Variants in SFMBT1 observed in about 807,000 individuals in gnomAD.
SFMBT1 encodes Scm like with four mbt domains 1, also known as scm-like with four MBT domains protein 1.
Under a neutral mutation model 108.7 loss-of-function variants are expected in SFMBT1, and 32 were observed. That is an observed-to-expected ratio of 0.29 (90% CI 0.22 to 0.40). SFMBT1 has a LOEUF of 0.40. Among genes scored for constraint, SFMBT1 ranks in the 10% least tolerant of loss-of-function variants. SFMBT1 has a pLI of 1.00. For synonymous variants in SFMBT1, 348 were observed against 369.5 expected, an observed-to-expected ratio of 0.94 and a Z score of 0.67; for missense variants, 816 against 1,059.6, an observed-to-expected ratio of 0.77 and a Z score of 3.19.
chr3:52,995,869 C>T (rs1698309325), intron 1 of SFMBT1, among the ~76,000 whole-genome samples: 1 of 149,312 alleles, frequency 6.7e-6, no homozygotes, highest in Admixed American at 6.8e-5. Context: ...GTCAGGAGTT[C>T]GAGACCAGCC....
At chr3:53,031,071 G>A (rs552643321) in intron 1 of SFMBT1, among the ~76,000 whole-genome samples, 1 of 152,290 alleles carries the variant, frequency 6.6e-6, no homozygotes, top group South Asian at 2.1e-4. Context: ...ACCCTCTTCA[G>A]ACTCTGTAGA....
At chr3:52,928,575 T>TATATATAC (rs1194103259) in intron 8 of SFMBT1, 2 of 190,580 alleles carry the variant, frequency 1.0e-5, no homozygotes, top group Admixed American at 1.3e-4. Flanking sequence ...TACATATACA[T>TATATATAC]ATATATACAT....
chr3:53,027,715 T>C, intron 1 of SFMBT1, among the ~76,000 whole-genome samples: 1 of 152,298 alleles, frequency 6.6e-6, no homozygotes, highest in East Asian at 1.9e-4. Context: ...GATGGAAGAA[T>C]GAGAAAGGTC....
At chr3:53,043,239 T>G (rs1270654963) in intron 1 of SFMBT1, 1 of 152,160 alleles carries the variant, frequency 6.6e-6, no homozygotes, top group Non-Finnish European at 1.5e-5. Context: ...TGGAGAATAT[T>G]TAAAAGTCCA....
chr3:52,951,126 A>AAAAAG (rs1553637539), intron 3 of SFMBT1, among the ~76,000 whole-genome samples: 109 of 134,196 alleles, frequency 8.1e-4, no homozygotes, highest in African/African-American at 2.6e-3. Context: ...TAAAAAAAAA[A>AAAAAG]AAAAAAGAAA....
At position 52,999,383 on chromosome 3, in the gene SFMBT1, C is replaced by T. The variant is rs117493077; in HGVS notation, c.-130-30125G>A. Among the ~76,000 whole-genome samples the T allele has an allele frequency of 1.8e-3, 264 of 150,584 alleles. 22 individuals carry two copies. In the East Asian group the frequency reaches 0.039, roughly 22 times the overall value. Reference sequence around the variant, plus strand: ...GGCCTGCGGGGAGGAGCCACCCACGCGCCACAGCAAGTCCTGGACCTGGCC... The same window carrying T: ...GGCCTGCGGGGAGGAGCCACCCACGTGCCACAGCAAGTCCTGGACCTGGCC... On this transcript the variant is annotated intron_variant, in intron 1 of 20. Coordinates refer to ENST00000394752, the MANE Select transcript of SFMBT1 (RefSeq NM_016329.4).
intron 1 of SFMBT1, among the ~76,000 whole-genome samples, chr3:52,999,111 A>G (rs1698447767): frequency 6.6e-6 from 1 of 150,766 alleles, no homozygotes; most frequent in African/African-American, 2.4e-5. Context: ...TCTGCTGATC[A>G]AGGGCCCAGT....
chr3:52,966,118 C>T (rs1704133352), intron 2 of SFMBT1, among the ~76,000 whole-genome samples: 1 of 144,740 alleles, frequency 6.9e-6, no homozygotes. Context: ...GAAATCGAGA[C>T]CATCCTGGCT....
At chr3:53,045,576 G>T (rs1354033105) in intron 1 of SFMBT1, among the ~76,000 whole-genome samples, 2 of 142,410 alleles carry the variant, frequency 1.4e-5, no homozygotes, top group Non-Finnish European at 3.1e-5. Context: ...GCCGGCGCGC[G>T]GGACCGCGGG....
intron 10 of SFMBT1, 136 bp downstream of exon 10, chr3:52,925,895 T>C (rs1477404011): frequency 4.4e-6 from 3 of 683,410 alleles, no homozygotes; most frequent in Non-Finnish European, 7.1e-6. Context: ...CTTTAGACCA[T>C]GTGATTACAA....
chr3:52,970,672 A>G (rs1454650615), intron 1 of SFMBT1, among the ~76,000 whole-genome samples: 4 of 152,222 alleles, frequency 2.6e-5, no homozygotes, highest in Non-Finnish European at 5.9e-5. Flanking sequence ...GATATTCTGC[A>G]GGATCAAGCA....
chr3:52,995,101 C>T (rs1344871867), intron 1 of SFMBT1, among the ~76,000 whole-genome samples: 1 of 147,078 alleles, frequency 6.8e-6, no homozygotes, highest in Non-Finnish European at 1.5e-5. Context: ...GAAAATATGG[C>T]TTAGTTAACT....
intron 1 of SFMBT1, among the ~76,000 whole-genome samples, chr3:52,978,748 A>G (rs777754169): frequency 2.0e-5 from 3 of 152,266 alleles, no homozygotes; most frequent in Non-Finnish European, 4.4e-5. Flanking sequence ...AAAATGTAAT[A>G]TATCTAATAT....
chr3:52,956,088 G>A (rs892544657), intron 2 of SFMBT1, among the ~76,000 whole-genome samples: 3 of 152,112 alleles, frequency 2.0e-5, no homozygotes, highest in African/African-American at 7.2e-5. Context: ...CACATAAACA[G>A]AACTAAAGAT....
intron 1 of SFMBT1, among the ~76,000 whole-genome samples, chr3:53,028,899 G>A (rs779275608): frequency 2.6e-5 from 4 of 152,124 alleles, no homozygotes; most frequent in Admixed American, 6.5e-5. Flanking sequence ...TAGGCCGGGC[G>A]CGGTAGCTCA....
intron 2 of SFMBT1, among the ~76,000 whole-genome samples, chr3:52,958,605 A>G (rs1024972306): frequency 2.6e-5 from 4 of 152,046 alleles, no homozygotes; most frequent in Non-Finnish European, 5.9e-5. Flanking sequence ...AAAATAAATT[A>G]AATTAAAAAG....
chr3:52,913,977 C>T (rs1465888492), intron 14 of SFMBT1, among the ~76,000 whole-genome samples: 1 of 152,176 alleles, frequency 6.6e-6, no homozygotes, highest in African/African-American at 2.4e-5. Flanking sequence ...CAAAAACCAA[C>T]TTTCAATCAT....
intron 1 of SFMBT1, among the ~76,000 whole-genome samples, chr3:52,973,566 G>C (rs1349882208): frequency 1.3e-5 from 2 of 152,008 alleles, no homozygotes; most frequent in African/African-American, 4.8e-5. Flanking sequence ...AATTTTAACA[G>C]GTTTTTTTGA....
chr3:52,979,104 A>G (rs1332234093), intron 1 of SFMBT1, among the ~76,000 whole-genome samples: 4 of 152,182 alleles, frequency 2.6e-5, no homozygotes, highest in African/African-American at 9.7e-5. Flanking sequence ...TCTGTGAAAT[A>G]TATCTCAGTA....
Sources: gnomAD v4.1 joint callset for allele counts (sites outside exome capture counted in the v4.1 genomes callset) on GRCh38, gnomAD v4.1.1 for gene constraint, MANE v1.5 for transcripts, NCBI Gene and HGNC (gene_info 2026-07-23, HGNC 2026-07-21) for gene names.